The following CTNNA3 variants were observed in gnomAD, a reference collection of about 807,000 sequenced individuals.
CTNNA3 encodes catenin alpha 3.
CTNNA3 carries 76 observed loss-of-function variants against 95.7 expected under a neutral mutation model. The observed-to-expected ratio is 0.79, with a 90% CI of 0.66 to 0.96. The LOEUF (loss-of-function observed/expected upper bound fraction) is 0.96. CTNNA3 is among the 40% of genes least tolerant of loss of function. The pLI, the probability that CTNNA3 is intolerant of heterozygous loss-of-function variation, is 0.00. For missense variants in CTNNA3, 1,191 were observed against 1,089.8 expected (o/e 1.09, Z -1.31); for synonymous variants, 431 against 374.4 (o/e 1.15, Z -1.74).
At chr10:67,465,501 A>T (rs1847557146) in intron 5 of CTNNA3, among the ~76,000 whole-genome samples, 1 of 152,186 alleles carries the variant, frequency 6.6e-6, no homozygotes, top group Non-Finnish European at 1.5e-5. Flanking sequence ...CTGCTGTTCA[A>T]AGGAAAAAAT....
chr10:66,931,192 T>TA (rs3056552), intron 7 of CTNNA3, among the ~76,000 whole-genome samples: 7,655 of 118,640 alleles, frequency 0.065, 624 homozygotes, highest in African/African-American at 0.18. Context: ...TGACAACAGT[T>TA]AAAAAAAAAA....
At chr10:66,344,217 A>C in intron 12 of CTNNA3, among the ~76,000 whole-genome samples, 1 of 60,268 alleles carries the variant, frequency 1.7e-5, no homozygotes, top group Non-Finnish European at 3.6e-5. Context: ...ACAGGGCGAG[A>C]CTCCATCTCA....
At chr10:66,489,403 A>G (rs1223323335) in intron 11 of CTNNA3, among the ~76,000 whole-genome samples, 1 of 152,206 alleles carries the variant, frequency 6.6e-6, no homozygotes, top group East Asian at 1.9e-4. Context: ...GTTGTAACTC[A>G]TGAAAATAGA....
chr10:66,682,535 C>G (rs1212947006), intron 9 of CTNNA3, among the ~76,000 whole-genome samples: 4 of 151,336 alleles, frequency 2.6e-5, no homozygotes, highest in Admixed American at 2.0e-4. Flanking sequence ...ACACAAACAA[C>G]AAATCAAATT....
intron 5 of CTNNA3, among the ~76,000 whole-genome samples, chr10:67,488,763 A>G (rs974916819): frequency 1.4e-5 from 2 of 147,914 alleles, no homozygotes; most frequent in African/African-American, 2.6e-5. Flanking sequence ...TCCGGCTCCC[A>G]GGCTCAAGCA....
intron 13 of CTNNA3, among the ~76,000 whole-genome samples, chr10:66,274,968 C>G (rs1212519114): frequency 2.0e-5 from 3 of 151,892 alleles, no homozygotes; most frequent in Non-Finnish European, 2.9e-5. Flanking sequence ...AAAATTATTA[C>G]CGCTTATTTT....
intron 14 of CTNNA3, among the ~76,000 whole-genome samples, chr10:66,094,819 T>A (rs1199497690): frequency 6.6e-6 from 1 of 152,160 alleles, no homozygotes; most frequent in East Asian, 1.9e-4. Context: ...GGTGCAATTC[T>A]TCTTTGACAG....
chr10:66,033,135 CTTT>C (rs10665142), intron 15 of CTNNA3, among the ~76,000 whole-genome samples: 1 of 131,892 alleles, frequency 7.6e-6, no homozygotes. Context: ...TTCTTTTTTT[CTTT>C]TTTTTTTTTT....
chr10:67,312,586 G>A (rs1348906319), intron 5 of CTNNA3, among the ~76,000 whole-genome samples: 1 of 152,186 alleles, frequency 6.6e-6, no homozygotes, highest in Non-Finnish European at 1.5e-5. Context: ...AATAATAAGG[G>A]GGAGAAGAGG....
intron 7 of CTNNA3, among the ~76,000 whole-genome samples, chr10:66,906,336 T>C (rs1845986513): frequency 6.6e-6 from 1 of 152,248 alleles, no homozygotes; most frequent in Admixed American, 6.5e-5. Context: ...TGCCTAGAAA[T>C]AGCTTACAGG....
chr10:66,346,244 T>TAGAGAGAGAG (rs1414198702), intron 12 of CTNNA3, among the ~76,000 whole-genome samples: 7 of 9,038 alleles, frequency 7.7e-4, no homozygotes, highest in African/African-American at 1.7e-3. Flanking sequence ...TATATATATA[T>TAGAGAGAGAG]ATAGAGAGAG....
intron 7 of CTNNA3, among the ~76,000 whole-genome samples, chr10:66,787,894 G>A (rs182876584): frequency 2.8e-4 from 42 of 152,260 alleles, no homozygotes; most frequent in African/African-American, 9.6e-4. Context: ...AGAGCCTGGA[G>A]AACACCCATG....
chr10:67,714,000 G>A (rs1841127989), intron 1 of CTNNA3, among the ~76,000 whole-genome samples: 1 of 152,040 alleles, frequency 6.6e-6, no homozygotes, highest in East Asian at 1.9e-4. Context: ...CTAGATTTCA[G>A]AAGATGTACG....
intron 14 of CTNNA3, among the ~76,000 whole-genome samples, chr10:66,095,990 G>T (rs557081683): frequency 6.6e-6 from 1 of 151,966 alleles, no homozygotes; most frequent in East Asian, 1.9e-4. Flanking sequence ...TGTAATTTGG[G>T]GTCATCAGTA....
intron 11 of CTNNA3, among the ~76,000 whole-genome samples, chr10:66,471,126 C>A (rs1380343388): frequency 6.6e-6 from 1 of 151,736 alleles, no homozygotes; most frequent in African/African-American, 2.4e-5. Context: ...GTCCATGGTT[C>A]TCTGTTCCTT....
chr10:67,557,977 T>G (rs971660926), intron 3 of CTNNA3, among the ~76,000 whole-genome samples: 11 of 152,244 alleles, frequency 7.2e-5, no homozygotes, highest in Non-Finnish European at 1.5e-4. Flanking sequence ...ACTCTCATAC[T>G]GCTTACCTCA....
At chr10:67,071,124 C>T (rs930349445) in intron 7 of CTNNA3, among the ~76,000 whole-genome samples, 8 of 152,170 alleles carry the variant, frequency 5.3e-5, no homozygotes, top group Non-Finnish European at 1.2e-4. Flanking sequence ...TTAAATTTCA[C>T]AAAGCATCAC....
chr10:67,121,516 A>T (rs1352971246), intron 7 of CTNNA3, among the ~76,000 whole-genome samples: 3 of 152,052 alleles, frequency 2.0e-5, no homozygotes, highest in South Asian at 2.1e-4. Context: ...TAGCCGTTAG[A>T]TTCATTCCTC....
rs140485858 is a variant in CTNNA3 at position 66,517,637 on chromosome 10, G to A, written c.1531+2980C>T. On this transcript the variant is annotated intron_variant, in intron 11 of 17. Coordinates refer to ENST00000433211, the MANE Select transcript of CTNNA3 (RefSeq NM_013266.4). The stretch of plus-strand genomic sequence containing the variant: ...ATCACCAAGAAATAACCATAAAAAT[G>A]GGCAACCAGCAGTTCTCAGGGCTGC... 1.9e-3 allele frequency among the ~76,000 whole-genome samples: 286 copies of A among 152,096 alleles called. 3 individuals carry two copies. The highest frequency in any genetic ancestry group is 6.5e-3 in the African/African-American group (270 of 41,466).
Sources: allele counts gnomAD v4.1 joint callset (sites outside exome capture counted in the v4.1 genomes callset), GRCh38; gene constraint gnomAD v4.1.1; transcripts MANE v1.5; gene names NCBI Gene and HGNC (gene_info 2026-07-23, HGNC 2026-07-21).